Variants in CIAO3 observed in about 807,000 individuals in gnomAD.
CIAO3 encodes the protein cytosolic iron-sulfur assembly component 3.
In CIAO3, 45 loss-of-function variants were observed where a neutral mutation model predicts 51.5. The observed-to-expected ratio is 0.87, with a 90% CI of 0.69 to 1.12. CIAO3 has a LOEUF of 1.12. CIAO3 is among the 50% of genes most tolerant of loss of function. The pLI is 0.00. For synonymous variants in CIAO3, 314 were observed against 269.3 expected, an observed-to-expected ratio of 1.17 and a Z score of -1.63; for missense variants, 668 against 632.5, an observed-to-expected ratio of 1.06 and a Z score of -0.60.
In CIAO3 at chr16:737,634, G is replaced by C; in HGVS notation, c.163-305C>G. ...CCCACTCACCCATGGGGCCCTGGAC[G>C]GGGTGCTGGCCCCGGTGCACACTCA... On this transcript the variant is annotated intron_variant, in intron 2 of 10. Coordinates refer to ENST00000251588, the MANE Select transcript of CIAO3 (RefSeq NM_022493.3). The surrounding 1 kb of genome is among the most constrained non-coding windows in gnomAD (Gnocchi z 5.3). 7.3e-7 allele frequency: 1 copy of C among 1,366,688 alleles called. No homozygotes were observed. The highest frequency in any genetic ancestry group is 9.6e-7 in the Non-Finnish European group (1 of 1,039,974). 84.7% of individuals were successfully genotyped at this position (1,366,688 alleles called of 1,614,324 possible).
rs1408935347 is a variant in CIAO3, at chr16:734,852, G to A, written c.459C>T (p.Asp153=). 2 of 1,569,808 alleles carry A rather than the reference G, an allele frequency of 1.3e-6. No individual in the cohort carries two copies. Among genetic ancestry groups the A allele is most frequent in the Non-Finnish European group, 1.7e-6 (2 of 1,153,672 alleles). ...FKKIGVHFVF[D]TAFSRHFSLL... is the part of the protein sequence containing the mutation. Reference sequence around the variant, plus strand: ...GGCTGAAGTGCCTTGAGAAGGCGGTGTCGAAGACGAAGTGCACCCCTGGAA... The same window carrying A: ...GGCTGAAGTGCCTTGAGAAGGCGGTATCGAAGACGAAGTGCACCCCTGGAA... Residue 153 remains aspartate (D), a synonymous_variant, in exon 5 of 11, where the codon GAC becomes GAT. Coordinates refer to ENST00000251588, the MANE Select transcript of CIAO3 (RefSeq NM_022493.3).
rs1479566921 is a variant in CIAO3, at chr16:737,176, C to T, written c.306+10G>A. Reference sequence around the variant, plus strand: ...GTTAAAGCAGAGTCACCAGGCCGACCACTGCTTACCTTGTTAGCATCTAGA... The same window carrying T: ...GTTAAAGCAGAGTCACCAGGCCGACTACTGCTTACCTTGTTAGCATCTAGA... On this transcript the variant is annotated intron_variant, in intron 3 of 10. Coordinates refer to ENST00000251588, the MANE Select transcript of CIAO3 (RefSeq NM_022493.3). This position sits in a 1 kb window ranked among gnomAD's most constrained non-coding sequence, Gnocchi z 5.3. 6.2e-7 allele frequency: 1 copy of T among 1,613,532 alleles called. No individual in the cohort carries two copies. Among genetic ancestry groups the T allele is most frequent in the Non-Finnish European group, 8.5e-7 (1 of 1,179,904 alleles).
intron 7 of CIAO3, chr16:733,078 T>C (rs2041302038): frequency 1.8e-6 from 1 of 568,074 alleles, no homozygotes; most frequent in Non-Finnish European, 3.1e-6. Context: ...CAAGGAGGTA[T>C]TACTGAGCGC....
chr16:734,434 G>T (rs2041317375), intron 5 of CIAO3, 87 bp from the exon 6 acceptor site: 3 of 977,000 alleles, frequency 3.1e-6, no homozygotes, highest in African/African-American at 3.2e-5. Context: ...CTGGGGGCGG[G>T]CCCGCTCATA....
rs1251338649 is a variant in CIAO3, at chr16:737,746, C to A, written c.163-417G>T. 1.6e-6 allele frequency: 2 copies of A among 1,273,364 alleles called. No homozygotes were observed. The highest frequency in any genetic ancestry group is 2.0e-6 in the Non-Finnish European group (2 of 980,672). 78.9% of individuals were successfully genotyped at this position (1,273,364 alleles called of 1,614,324 possible). On this transcript the variant is annotated intron_variant, in intron 2 of 10. Coordinates refer to ENST00000251588, the MANE Select transcript of CIAO3 (RefSeq NM_022493.3). The surrounding 1 kb of genome is among the most constrained non-coding windows in gnomAD (Gnocchi z 5.3). The stretch of plus-strand genomic sequence containing the variant: ...AGGACAAAGGAGGAAAGGACGAAGG[C>A]ACAGGAAGAGGAGAGCAGAGGGAGG...
chr16:735,041 C>T, intron 4 of CIAO3, 170 bp from the exon 5 acceptor site: 2 of 903,998 alleles, frequency 2.2e-6, no homozygotes, highest in Non-Finnish European at 3.2e-6. Context: ...TGCGCCAAAG[C>T]CCCAGCCCCA....
rs2041352208 is a variant in CIAO3, at chr16:737,567, G to A, written c.163-238C>T. The A allele has an allele frequency of 6.8e-7, 1 of 1,480,738 alleles. No homozygotes were observed. Among genetic ancestry groups the A allele is most frequent in the African/African-American group, 1.4e-5 (1 of 71,814 alleles). The allele number at this position is 1,480,738 out of a possible 1,614,324, so 91.7% of individuals were successfully genotyped here. ...CTTGGTTAGTGCATCCGAATCACAGGACTAAGGCTTGCCACTGGTATCTCA... is the reference window on the plus strand; with the variant it reads ...CTTGGTTAGTGCATCCGAATCACAGAACTAAGGCTTGCCACTGGTATCTCA... On this transcript the variant is annotated intron_variant, in intron 2 of 10. Transcript: ENST00000251588. The surrounding 1 kb of genome is among the most constrained non-coding windows in gnomAD (Gnocchi z 5.3).
chr16:737,720 G>A lies in CIAO3; in HGVS notation c.163-391C>T, dbSNP rs1165124693. Reference sequence around the variant, plus strand: ...TCTGAAAGGAGGAGGCGGGAAAGCTGAGGACAAAGGAGGAAAGGACGAAGG... The same window carrying A: ...TCTGAAAGGAGGAGGCGGGAAAGCTAAGGACAAAGGAGGAAAGGACGAAGG... On this transcript the variant is annotated intron_variant, in intron 2 of 10. Transcript: ENST00000251588. This position sits in a 1 kb window ranked among gnomAD's most constrained non-coding sequence, Gnocchi z 5.3. 6.2e-6 allele frequency: 8 copies of A among 1,291,682 alleles called. No homozygotes were observed. The highest frequency in any genetic ancestry group is 2.2e-4 in the Middle Eastern group (1 of 4,566). 80.0% of individuals were successfully genotyped at this position (1,291,682 alleles called of 1,614,324 possible).
chr16:737,447 T>A lies in CIAO3; in HGVS notation c.163-118A>T. ...AACATGGCTGCTGGCTGGGCTTGTG[T>A]GCCGCTGAATTTTTAAAAATTAGGT... is the stretch of plus-strand genomic sequence containing the variant. On this transcript the variant is annotated intron_variant, in intron 2 of 10. Transcript: ENST00000251588. This position sits in a 1 kb window ranked among gnomAD's most constrained non-coding sequence, Gnocchi z 5.3. 6 of 1,563,922 alleles carry A rather than the reference T, an allele frequency of 3.8e-6. No individual in the cohort carries two copies. Among genetic ancestry groups the A allele is most frequent in the Non-Finnish European group, 5.2e-6 (6 of 1,155,500 alleles).
rs1044365269 is a variant in CIAO3, at chr16:737,079, G to A, written c.306+107C>T. 30 of 1,468,464 alleles carry A rather than the reference G, an allele frequency of 2.0e-5. No homozygotes were observed. Among genetic ancestry groups the A allele is most frequent in the Middle Eastern group, 2.0e-4 (1 of 5,038 alleles). The allele number at this position is 1,468,464 out of a possible 1,614,324, so 91.0% of individuals were successfully genotyped here. On this transcript the variant is annotated intron_variant, in intron 3 of 10. Transcript: ENST00000251588. The surrounding 1 kb of genome is among the most constrained non-coding windows in gnomAD (Gnocchi z 5.3). Reference sequence around the variant, plus strand: ...AGCCTCAAAAAGGCAGGCGCCACCCGCACGACGGACGTCGGCACCACACGA... The same window carrying A: ...AGCCTCAAAAAGGCAGGCGCCACCCACACGACGGACGTCGGCACCACACGA...
At chr16:731,357 G>A in intron 9 of CIAO3, 1 of 685,316 alleles carries the variant, frequency 1.5e-6, no homozygotes, top group Non-Finnish European at 2.3e-6. Flanking sequence ...CCCCCACAAT[G>A]GGCCGACTGA....
intron 2 of CIAO3, 90 bp downstream of exon 2, chr16:739,553 G>A (rs770373171): frequency 1.6e-6 from 2 of 1,288,864 alleles, no homozygotes; most frequent in Non-Finnish European, 2.3e-6. Flanking sequence ...GAGTGTCTCG[G>A]GGTCACCGCT....
chr16:737,292 G>C lies in CIAO3; in HGVS notation c.200C>G (p.Ser67Trp), dbSNP rs550684953. 2 of 1,613,352 alleles carry C rather than the reference G, an allele frequency of 1.2e-6. No individual in the cohort carries two copies. The highest frequency in any genetic ancestry group is 2.2e-5 in the South Asian group (2 of 91,088). The change falls in exon 3 of 11, where the codon TCG (serine) becomes TGG (tryptophan). Residue 67 changes from serine to tryptophan, a missense_variant. By Grantham distance (177) the Ser-to-Trp change is radical (BLOSUM62 -3). Coordinates refer to ENST00000251588, the MANE Select transcript of CIAO3 (RefSeq NM_022493.3). The surrounding 1 kb of genome is among the most constrained non-coding windows in gnomAD (Gnocchi z 5.3). ...GCTGCACGCCAGGCAGTCGTTTAGC[G>C]AGACCTTGGCCTTCTCCAGCCTCCG... ...GTRRLEKAKV[S>W]LNDCLACSGC... is the part of the protein sequence containing the mutation.
At chr16:731,050 T>A in intron 9 of CIAO3, 50 bp from the exon 10 acceptor site, 1 of 1,602,648 alleles carries the variant, frequency 6.2e-7, no homozygotes, top group Non-Finnish European at 8.5e-7. Context: ...ACCAGGCTCC[T>A]GCCTGCCTGG....
At chr16:738,775 G>A (rs917494819) in intron 2 of CIAO3, among the ~76,000 whole-genome samples, 1 of 151,502 alleles carries the variant, frequency 6.6e-6, no homozygotes, top group African/African-American at 2.4e-5. Flanking sequence ...ACCCTCTTGA[G>A]TAGCTGGGAT....
Position 731,004 on chromosome 16 carries a change from G to A in CIAO3, c.1035-4C>T. ...CACCTCCTGGAAGTCTTTGTTCCTG[G>A]GGGGCACAGGCGGGGTTTGTCTACA... On this transcript the variant is annotated splice_region_variant and splice_polypyrimidine_tract_variant and intron_variant, in intron 9 of 10. Transcript: ENST00000251588. 1 of 1,612,552 alleles carries A rather than the reference G, an allele frequency of 6.2e-7. No individual in the cohort carries two copies. Among genetic ancestry groups the A allele is most frequent in the Non-Finnish European group, 8.5e-7 (1 of 1,179,822 alleles).
intron 5 of CIAO3, 127 bp downstream of exon 5, chr16:734,610 A>G: frequency 6.5e-7 from 1 of 1,527,810 alleles, no homozygotes; most frequent in African/African-American, 1.4e-5. Flanking sequence ...AACATTTCCA[A>G]CCCGTCCCGC....
At chr16:740,817 C>G (rs1420598591) in intron 1 of CIAO3, 103 bp downstream of exon 1, 3 of 1,245,450 alleles carry the variant, frequency 2.4e-6, no homozygotes, top group East Asian at 2.8e-5. Flanking sequence ...TCCCGGGATT[C>G]GGATCTCATT....
chr16:730,522 G>A lies in CIAO3; in HGVS notation c.1326C>T (p.Tyr442=), dbSNP rs765488256. 1.9e-6 allele frequency: 3 copies of A among 1,610,616 alleles called. No individual in the cohort carries two copies. Among genetic ancestry groups the A allele is most frequent in the Middle Eastern group, 1.6e-4 (1 of 6,084 alleles). The change falls in exon 11 of 11, where the codon TAC becomes TAT. Residue 442 remains tyrosine (Y), a synonymous_variant. Transcript: ENST00000251588. ...AGTCCGTGCCCTGCAGCCAGTGTGT[G>A]TACAGCTCCTGAACCCCAGGCGCGT... ...PEDAPGVQEL[Y]THWLQGTDSE... is the part of the protein sequence containing the mutation.
Sources: allele counts gnomAD v4.1 joint callset (sites outside exome capture counted in the v4.1 genomes callset), GRCh38; gene constraint gnomAD v4.1.1; non-coding constraint Gnocchi (gnomAD v3.1); transcripts MANE v1.5; gene names NCBI Gene and HGNC (gene_info 2026-07-23, HGNC 2026-07-21).